The following MLANA variants were observed in gnomAD, a reference collection of about 807,000 sequenced individuals.
MLANA encodes melan-A, also known as melanoma antigen recognized by T-cells 1.
A neutral mutation model predicts 15.7 loss-of-function variants in MLANA; 21 were observed. That is an observed-to-expected ratio of 1.33 (90% CI 0.95 to 1.92). The LOEUF is 1.92. Ranked by LOEUF, MLANA falls within the 40% of genes most tolerant of loss-of-function variation. MLANA has a pLI of 0.00. For synonymous variants in MLANA, 56 were observed against 51.5 expected (o/e 1.09, Z -0.37); for missense variants, 164 against 143.8 (o/e 1.14, Z -0.72).
Position 5,910,390 on chromosome 9 carries a change from A to G in MLANA, c.*1682A>G, listed in dbSNP as rs1227949359. 6.6e-6 allele frequency: 1 copy of G among 152,236 alleles called. No homozygotes were observed. The highest frequency in any genetic ancestry group is 6.5e-5 in the Admixed American group (1 of 15,286). The allele number at this position is 152,236 out of a possible 1,614,324, so 9.4% of individuals were successfully genotyped here. On this transcript the variant is annotated 3_prime_UTR_variant, in exon 5 of 5. Transcript: ENST00000381477. ...AAACAACATTTAACAAAATATTAAA[A>G]TATTTCCCCACTCTTCTGATACTGT...
Position 5,907,002 on chromosome 9 carries a change from G to C in MLANA, c.288+4G>C. 2 of 1,561,304 alleles carry C rather than the reference G, an allele frequency of 1.3e-6. No individual in the cohort carries two copies. The highest frequency in any genetic ancestry group is 2.3e-5 in the East Asian group (1 of 43,118). On this transcript the variant is annotated splice_donor_region_variant and intron_variant, in intron 4 of 4. Coordinates refer to ENST00000381477, the MANE Select transcript of MLANA (RefSeq NM_005511.2). ...AGAGAAAAACTGTGAACCTGTGGTA[G>C]GTTAAGATCCTTCATAAGGGTATTT...
chr9:5,900,777 G>T (rs1221898169), intron 3 of MLANA, among the ~76,000 whole-genome samples: 1 of 152,184 alleles, frequency 6.6e-6, no homozygotes, highest in African/African-American at 2.4e-5. Flanking sequence ...ACAGGAAGTG[G>T]GAAATGATTT....
At chr9:5,899,027 T>G (rs1224855202) in intron 3 of MLANA, 2 of 152,242 alleles carry the variant, frequency 1.3e-5, no homozygotes, top group Non-Finnish European at 2.9e-5. Flanking sequence ...CAACTGAGTT[T>G]ATAAGCTATA....
intron 4 of MLANA, among the ~76,000 whole-genome samples, chr9:5,907,851 G>T (rs1377793584): frequency 6.6e-6 from 1 of 152,194 alleles, no homozygotes; most frequent in Non-Finnish European, 1.5e-5. Flanking sequence ...TACTTGGGAC[G>T]CTGAGGCAGG....
intron 1 of MLANA, among the ~76,000 whole-genome samples, chr9:5,892,103 TTTTG>T (rs1403189192): frequency 1.3e-5 from 2 of 152,228 alleles, no homozygotes; most frequent in Non-Finnish European, 2.9e-5. Context: ...TGAAAATGCA[TTTTG>T]TTTGTTTCTC....
At chr9:5,897,721 A>C (rs1036161340) in intron 3 of MLANA, 68 bp downstream of exon 3, 19 of 1,298,998 alleles carry the variant, frequency 1.5e-5, no homozygotes, top group Non-Finnish European at 2.1e-5. Context: ...TTTCCTCTGA[A>C]TCTCTGGAGA....
intron 3 of MLANA, among the ~76,000 whole-genome samples, chr9:5,899,616 C>G (rs1157757894): frequency 6.6e-6 from 1 of 152,178 alleles, no homozygotes; most frequent in East Asian, 1.9e-4. Context: ...ATACGGCTGT[C>G]CACAACAGGT....
rs1831869836 is a variant in MLANA at position 5,894,398 on chromosome 9, C to G, written c.77+1847C>G. 6.6e-6 allele frequency among the ~76,000 whole-genome samples: 1 copy of G among 152,164 alleles called. No individual in the cohort carries two copies. Reference sequence around the variant, plus strand: ...AAAGAAGGCATCGGGGCAACCAAGGCTGTACCCACAGAATGCTGCTTCTAC... The same window carrying G: ...AAAGAAGGCATCGGGGCAACCAAGGGTGTACCCACAGAATGCTGCTTCTAC... On this transcript the variant is annotated intron_variant, in intron 2 of 4. Coordinates refer to ENST00000381477, the MANE Select transcript of MLANA (RefSeq NM_005511.2). This position sits in a 1 kb window ranked among gnomAD's most constrained non-coding sequence, Gnocchi z 4.0.
In MLANA at chr9:5,908,823, C is replaced by G. The variant is rs981065977; in HGVS notation, c.*115C>G. On this transcript the variant is annotated 3_prime_UTR_variant, in exon 5 of 5. Coordinates refer to ENST00000381477, the MANE Select transcript of MLANA (RefSeq NM_005511.2). ...ATGGTGTAGGAAAAATGCAAGCCAT[C>G]TCTAATAATAAGTCAGTGTTAAAAT... The G allele has an allele frequency of 5.2e-6, 5 of 953,438 alleles. No individual in the cohort carries two copies. The African/African-American group carries it at 8.2e-5, about 16-fold the overall frequency. The allele number at this position is 953,438 out of a possible 1,614,324, so 59.1% of individuals were successfully genotyped here. A position where few individuals can be genotyped will look rare whatever the true frequency, so the allele number is the denominator to read the frequency against.
chr9:5,906,896 T>A lies in MLANA; in HGVS notation c.186T>A (p.Leu62=). The A allele has an allele frequency of 1.3e-6, 2 of 1,580,282 alleles. No individual in the cohort carries two copies. The highest frequency in any genetic ancestry group is 1.7e-6 in the Non-Finnish European group (2 of 1,167,120). The stretch of plus-strand genomic sequence containing the variant: ...AATTTACATTTCAGGATAAAAGTCT[T>A]CATGTTGGCACTCAATGTGCCTTAA... ...NGYRALMDKS[L]HVGTQCALTR... Residue 62 remains leucine, a synonymous_variant, in exon 4 of 5, where the codon CTT becomes CTA. Coordinates refer to ENST00000381477, the MANE Select transcript of MLANA (RefSeq NM_005511.2).
intron 3 of MLANA, among the ~76,000 whole-genome samples, chr9:5,902,885 C>G (rs866911468): frequency 6.6e-6 from 1 of 152,050 alleles, no homozygotes; most frequent in Non-Finnish European, 1.5e-5. Context: ...TTGCTGTTCT[C>G]TTTATTTTCC....
chr9:5,902,604 G>C (rs1817869868), intron 3 of MLANA, among the ~76,000 whole-genome samples: 1 of 151,688 alleles, frequency 6.6e-6, no homozygotes, highest in African/African-American at 2.4e-5. Context: ...TGAGTAGCTA[G>C]GACTACAGCT....
intron 3 of MLANA, among the ~76,000 whole-genome samples, chr9:5,905,886 G>A (rs1441793427): frequency 6.6e-6 from 1 of 152,102 alleles, no homozygotes; most frequent in Non-Finnish European, 1.5e-5. Context: ...ATTCATATCG[G>A]CACAGAATAA....
chr9:5,908,772 A>G lies in MLANA; in HGVS notation c.*64A>G, dbSNP rs2233180. On this transcript the variant is annotated 3_prime_UTR_variant, in exon 5 of 5. Coordinates refer to ENST00000381477, the MANE Select transcript of MLANA (RefSeq NM_005511.2). ...TCTCACACTTTTGCTTGAATTTAAT[A>G]CAGACATCTAATGTTCTCCTTTGGA... is the stretch of plus-strand genomic sequence containing the variant. 1.7e-4 allele frequency: 242 copies of G among 1,439,424 alleles called. 2 individuals carry two copies. The South Asian group carries it at 2.6e-3, about 15-fold the overall frequency. 89.2% of individuals were successfully genotyped at this position (1,439,424 alleles called of 1,614,324 possible).
At chr9:5,892,347 T>C (rs894505669) in intron 1 of MLANA, 103 bp from the exon 2 acceptor site, 5 of 677,750 alleles carry the variant, frequency 7.4e-6, no homozygotes, top group African/African-American at 5.5e-5. Flanking sequence ...GTCCTGGCTA[T>C]GGATATTGGT....
Position 5,910,585 on chromosome 9 carries a change from T to C in MLANA, c.*1877T>C, listed in dbSNP as rs1251604812. 1 of 152,146 alleles carries C rather than the reference T, an allele frequency of 6.6e-6. No homozygotes were observed. The highest frequency in any genetic ancestry group is 1.5e-5 in the Non-Finnish European group (1 of 68,072). 9.4% of individuals were successfully genotyped at this position (152,146 alleles called of 1,614,324 possible). A position where few individuals can be genotyped will look rare whatever the true frequency, so the allele number is the denominator to read the frequency against. The stretch of plus-strand genomic sequence containing the variant: ...AGGAACCTGTGGCTTGAACCCTACA[T>C]CCCTCCAGAACCCCCAGACTGTCAC... On this transcript the variant is annotated 3_prime_UTR_variant, in exon 5 of 5. Coordinates refer to ENST00000381477, the MANE Select transcript of MLANA (RefSeq NM_005511.2).
chr9:5,900,511 C>T (rs964121543), intron 3 of MLANA, among the ~76,000 whole-genome samples: 9 of 152,010 alleles, frequency 5.9e-5, no homozygotes, highest in African/African-American at 2.2e-4. Context: ...ACATAATTAC[C>T]TCCCTTTCTG....
At chr9:5,903,869 T>G (rs924799306) in intron 3 of MLANA, among the ~76,000 whole-genome samples, 3 of 152,134 alleles carry the variant, frequency 2.0e-5, no homozygotes, top group African/African-American at 7.2e-5. Flanking sequence ...CTTACTTTTT[T>G]TTTTTTGAGA....
rs1832884663 is a variant in MLANA, at chr9:5,907,389, T to A, written c.288+391T>A. On this transcript the variant is annotated intron_variant, in intron 4 of 4. Transcript: ENST00000381477. The stretch of plus-strand genomic sequence containing the variant: ...AGGGAAGGGATAAAGTACCTATTAT[T>A]TATTGTATAGAGCTGTGCTGTCTGA... 2.0e-5 allele frequency among the ~76,000 whole-genome samples: 3 copies of A among 152,176 alleles called. No individual in the cohort carries two copies. The South Asian group carries it at 6.2e-4, about 31-fold the overall frequency.
Sources: allele counts gnomAD v4.1 joint callset (sites outside exome capture counted in the v4.1 genomes callset), GRCh38; gene constraint gnomAD v4.1.1; non-coding constraint Gnocchi (gnomAD v3.1); transcripts MANE v1.5; gene names NCBI Gene and HGNC (gene_info 2026-07-23, HGNC 2026-07-21).